HERC5: variants seen among roughly 807,000 people sequenced by gnomAD.
HERC5 encodes E3 ISG15--protein ligase HERC5.
Under a neutral mutation model 119.6 loss-of-function variants are expected in HERC5, and 99 were observed. That is an observed-to-expected ratio of 0.83 (90% CI 0.70 to 0.98). The LOEUF (loss-of-function observed/expected upper bound fraction) is 0.98. HERC5 is among the 50% of genes least tolerant of loss of function. The pLI, the probability that HERC5 is intolerant of heterozygous loss-of-function variation, is 0.00. For synonymous variants in HERC5, 478 were observed against 445.9 expected (o/e 1.07, Z -0.91); for missense variants, 1,267 against 1,241.3 (o/e 1.02, Z -0.31).
At chr4:88,471,048 T>G (rs1740854161) in intron 10 of HERC5, among the ~76,000 whole-genome samples, 1 of 152,112 alleles carries the variant, frequency 6.6e-6, no homozygotes, top group South Asian at 2.1e-4. Context: ...CTTGGCTCAT[T>G]GTAACCTCTG....
chr4:88,463,943 C>G lies in HERC5; in HGVS notation c.869C>G (p.Ala290Gly), dbSNP rs376012411. 2 of 1,613,566 alleles carry G rather than the reference C, an allele frequency of 1.2e-6. No individual in the cohort carries two copies. Among genetic ancestry groups the G allele is most frequent in the Admixed American group, 1.7e-5 (1 of 59,932 alleles). The change falls in exon 6 of 23, where the codon GCT becomes GGT. Residue 290 changes from alanine (A) to glycine (G), a missense_variant. Around this residue, in one of 3 missense-constraint regions of HERC5, gnomAD observed 777 missense variants for 758.0 expected, o/e 1.03. Transcript: ENST00000264350. Reference sequence around the variant, plus strand: ...AATGAGCTAAGACCCTGTTTGGTGGCTGAGCTTGTTGGGTATAGAGTGACT... The same window carrying G: ...AATGAGCTAAGACCCTGTTTGGTGGGTGAGCTTGTTGGGTATAGAGTGACT... ...TQNELRPCLV[A>G]ELVGYRVTQI...
chr4:88,487,019 G>A (rs1176474082), intron 14 of HERC5, 50 bp from the exon 15 acceptor site: 3 of 1,300,158 alleles, frequency 2.3e-6, no homozygotes, highest in Non-Finnish European at 3.3e-6. Context: ...TAAAGTGTAA[G>A]GTTTCTCTGT....
intron 13 of HERC5, among the ~76,000 whole-genome samples, chr4:88,479,776 C>G (rs537793977): frequency 1.3e-5 from 2 of 152,082 alleles, no homozygotes; most frequent in South Asian, 4.2e-4. Flanking sequence ...TTAGAAATAC[C>G]TGTGTGCTGG....
At chr4:88,489,137 G>GTGTA (rs776849640) in intron 15 of HERC5, 29 bp from the exon 16 acceptor site, 1 of 1,578,214 alleles carries the variant, frequency 6.3e-7, no homozygotes, top group Non-Finnish European at 8.6e-7. Flanking sequence ...GTAAAATGAA[G>GTGTA]TGTAATATTT....
intron 18 of HERC5, among the ~76,000 whole-genome samples, chr4:88,495,306 G>A (rs890600910): frequency 3.9e-5 from 6 of 152,066 alleles, no homozygotes; most frequent in African/African-American, 1.2e-4. Flanking sequence ...CCAGCACTGC[G>A]GGGAGGCTGA....
intron 18 of HERC5, among the ~76,000 whole-genome samples, chr4:88,497,037 C>T (rs548831372): frequency 6.6e-6 from 1 of 152,278 alleles, no homozygotes; most frequent in Non-Finnish European, 1.5e-5. Flanking sequence ...TAGATTCAGA[C>T]ACCGAATCTG....
At chr4:88,459,241 C>G (rs1186765722) in intron 1 of HERC5, 106 bp from the exon 2 acceptor site, 2 of 928,678 alleles carry the variant, frequency 2.2e-6, no homozygotes, top group African/African-American at 3.4e-5. Context: ...CAAAGCTTGT[C>G]TAGTTGAAAT....
chr4:88,487,209 T>TGTG, intron 15 of HERC5, 30 bp downstream of exon 15: 6 of 1,240,140 alleles, frequency 4.8e-6, no homozygotes, highest in Non-Finnish European at 7.1e-6. Context: ...TTCATTAGCA[T>TGTG]AAATCACATG....
chr4:88,505,041 A>C (rs1270229803), intron 22 of HERC5, among the ~76,000 whole-genome samples: 1 of 152,064 alleles, frequency 6.6e-6, no homozygotes, highest in Non-Finnish European at 1.5e-5. Context: ...AGAAATATTT[A>C]TCTTCTATTT....
intron 16 of HERC5, among the ~76,000 whole-genome samples, chr4:88,491,338 A>G (rs1741633134): frequency 6.6e-6 from 1 of 152,318 alleles, no homozygotes; most frequent in African/African-American, 2.4e-5. Context: ...AGGAGAGAAA[A>G]TGCACTGAAT....
chr4:88,505,849 G>A lies in HERC5; in HGVS notation c.3046G>A (p.Ala1016Thr). 1 of 1,611,946 alleles carries A rather than the reference G, an allele frequency of 6.2e-7. No homozygotes were observed. Among genetic ancestry groups the A allele is most frequent in the Non-Finnish European group, 8.5e-7 (1 of 1,179,054 alleles). The change falls in exon 23 of 23, where the codon GCC becomes ACC. Residue 1016 changes from alanine (A) to threonine (T), a missense_variant. Physicochemically the swap from Ala to Thr is moderately conservative, Grantham distance 58. Transcript: ENST00000264350. ...METVEEALQE[A>T]INNNRGFG Reference sequence around the variant, plus strand: ...AACAGTTGAAGAAGCGCTTCAAGAAGCCATCAACAACAACAGAGGATTTGG... The same window carrying A: ...AACAGTTGAAGAAGCGCTTCAAGAAACCATCAACAACAACAGAGGATTTGG...
At chr4:88,457,806 C>A in intron 1 of HERC5, 1 of 759,744 alleles carries the variant, frequency 1.3e-6, no homozygotes, top group Non-Finnish European at 1.8e-6. Context: ...CGTCTTCATC[C>A]TTTTAGCCAG....
In HERC5 at chr4:88,476,024, G is replaced by A. The variant is rs753979561; in HGVS notation, c.1576G>A (p.Val526Ile). Reference protein sequence around the residue: ...VCKMSDQSSLVLEEYWATLQE... With the variant: ...VCKMSDQSSLILEEYWATLQE... ...TAAAATGAGTGACCAGTCTTCACTG[G>A]TTCTGGGTAAGTTTGATCATTTGAA... Residue 526 changes from valine to isoleucine, a missense_variant, in exon 12 of 23, where the codon GTT (valine) becomes ATT (isoleucine). Coordinates refer to ENST00000264350, the MANE Select transcript of HERC5 (RefSeq NM_016323.4). 3.7e-6 allele frequency: 6 copies of A among 1,611,884 alleles called. No individual in the cohort carries two copies. The highest frequency in any genetic ancestry group is 1.7e-4 in the Middle Eastern group (1 of 6,056).
At chr4:88,497,093 A>G (rs1272923001) in intron 18 of HERC5, among the ~76,000 whole-genome samples, 4 of 152,196 alleles carry the variant, frequency 2.6e-5, no homozygotes, top group East Asian at 1.9e-4. Context: ...ACCGTGAGCA[A>G]TAAATTTCTA....
At chr4:88,500,775 A>T in intron 19 of HERC5, 140 bp from the exon 20 acceptor site, 2 of 664,138 alleles carry the variant, frequency 3.0e-6, no homozygotes, top group African/African-American at 1.8e-5. Context: ...TTTTGTTTGT[A>T]CATTCCTTGC....
intron 6 of HERC5, among the ~76,000 whole-genome samples, chr4:88,465,393 C>G (rs1440108094): frequency 1.3e-5 from 2 of 152,148 alleles, no homozygotes; most frequent in Non-Finnish European, 2.9e-5. Flanking sequence ...TGTTAGTTTA[C>G]TGAAACCATT....
intron 7 of HERC5, chr4:88,467,797 T>C (rs1740726264): frequency 1.6e-6 from 1 of 623,804 alleles, no homozygotes; most frequent in African/African-American, 2.0e-5. Context: ...CCTCAGAGTC[T>C]GAGCTCTGAA....
intron 7 of HERC5, 58 bp downstream of exon 7, chr4:88,467,262 TC>T (rs1740704455): frequency 9.7e-6 from 15 of 1,546,442 alleles, no homozygotes; most frequent in Non-Finnish European, 1.3e-5. Flanking sequence ...AAATGATTTT[TC>T]TAACTAGGTA....
At chr4:88,488,655 A>G (rs1741542925) in intron 15 of HERC5, among the ~76,000 whole-genome samples, 1 of 151,614 alleles carries the variant, frequency 6.6e-6, no homozygotes, top group African/African-American at 2.4e-5. Flanking sequence ...TTCTTAGGTA[A>G]ATTCTCCCTT....
Sources: allele counts gnomAD v4.1 joint callset (sites outside exome capture counted in the v4.1 genomes callset), GRCh38; gene constraint gnomAD v4.1.1; regional missense constraint gnomAD v4.1.1; transcripts MANE v1.5; gene names NCBI Gene and HGNC (gene_info 2026-07-23, HGNC 2026-07-21).